The following PCDH15 variants were observed in gnomAD, a reference collection of about 807,000 sequenced individuals.
PCDH15 encodes protocadherin-15.
In PCDH15, 129 loss-of-function variants were observed where a neutral mutation model predicts 178.5. The observed-to-expected ratio is 0.72, with a 90% CI of 0.63 to 0.84. The LOEUF is 0.84. Ranked by LOEUF, PCDH15 falls within the 40% of genes least tolerant of loss-of-function variation. PCDH15 has a pLI of 0.00. For synonymous variants in PCDH15, 800 were observed against 732.0 expected, an observed-to-expected ratio of 1.09 and a Z score of -1.50; for missense variants, 2,230 against 2,099.9, an observed-to-expected ratio of 1.06 and a Z score of -1.21.
chr10:54,559,081 G>A (rs1364426486), intron 2 of PCDH15, among the ~76,000 whole-genome samples: 1 of 151,862 alleles, frequency 6.6e-6, no homozygotes, highest in Admixed American at 6.6e-5. Context: ...ACACACGAAG[G>A]CCTCTGCATC....
At chr10:54,250,077 CTT>C (rs773771288) in intron 8 of PCDH15, among the ~76,000 whole-genome samples, 7 of 137,734 alleles carry the variant, frequency 5.1e-5, no homozygotes, top group Non-Finnish European at 6.3e-5. Context: ...CCACATCCGG[CTT>C]TTTTTTTTTT....
intron 1 of PCDH15, among the ~76,000 whole-genome samples, chr10:54,701,875 C>G (rs949505281): frequency 1.3e-5 from 2 of 152,034 alleles, no homozygotes; most frequent in African/African-American, 4.8e-5. Context: ...CAACAGCCCA[C>G]TGACAGTATT....
intron 8 of PCDH15, among the ~76,000 whole-genome samples, chr10:54,287,156 G>T (rs570717548): frequency 6.6e-6 from 1 of 151,912 alleles, no homozygotes; most frequent in African/African-American, 2.4e-5. Flanking sequence ...TATAATTTTG[G>T]TTAAATTTAC....
intron 2 of PCDH15, among the ~76,000 whole-genome samples, chr10:55,129,380 G>C (rs980230937): frequency 1.3e-5 from 2 of 152,078 alleles, no homozygotes; most frequent in African/African-American, 4.8e-5. Flanking sequence ...AGGCAGTAAA[G>C]GGCTGAGAAC....
intron 2 of PCDH15, among the ~76,000 whole-genome samples, chr10:55,518,005 A>G (rs756166987): frequency 3.9e-5 from 6 of 152,178 alleles, no homozygotes; most frequent in Non-Finnish European, 7.4e-5. Flanking sequence ...TCACCTGAGA[A>G]AACTGAAGGC....
chr10:55,055,180 AT>A (rs1381681283), intron 2 of PCDH15, among the ~76,000 whole-genome samples: 5 of 152,102 alleles, frequency 3.3e-5, no homozygotes, highest in Admixed American at 3.3e-4. Flanking sequence ...CATCTTGTTA[AT>A]TTTTGTATAT....
intron 5 of PCDH15, 85 bp from the exon 6 acceptor site, chr10:54,346,569 A>G (rs1003148228): frequency 6.6e-7 from 1 of 1,521,528 alleles, no homozygotes; most frequent in Non-Finnish European, 9.0e-7. Flanking sequence ...TCAGCTCTTT[A>G]TTACCTAAAG....
chr10:55,319,867 A>T (rs1474797184), upstream of PCDH15, among the ~76,000 whole-genome samples: 1 of 152,040 alleles, frequency 6.6e-6, no homozygotes, highest in African/African-American at 2.4e-5. Context: ...AGCCAGTGAC[A>T]CCCATCTCCC....
chr10:53,811,101 A>G (rs1463007865), intron 36 of PCDH15, among the ~76,000 whole-genome samples: 1 of 152,102 alleles, frequency 6.6e-6, no homozygotes, highest in East Asian at 1.9e-4. Context: ...ATTTTTTTTG[A>G]AAGTGGTTAA....
intron 22 of PCDH15, among the ~76,000 whole-genome samples, chr10:53,960,998 T>C (rs920655239): frequency 6.6e-6 from 1 of 152,188 alleles, no homozygotes; most frequent in African/African-American, 2.4e-5. Context: ...TTGTCAAATA[T>C]ATTTTTAAAT....
intron 2 of PCDH15, among the ~76,000 whole-genome samples, chr10:55,526,575 C>T (rs1463689456): frequency 6.6e-6 from 1 of 152,018 alleles, no homozygotes. Context: ...CACTGTTATA[C>T]ATGAGTGCTT....
At chr10:54,462,147 T>G (rs1230618790) in intron 3 of PCDH15, among the ~76,000 whole-genome samples, 5 of 152,138 alleles carry the variant, frequency 3.3e-5, no homozygotes, top group African/African-American at 1.2e-4. Flanking sequence ...TAGTAGTTAT[T>G]TTTCAGAATC....
At chr10:54,614,787 G>T (rs912226104) in intron 2 of PCDH15, among the ~76,000 whole-genome samples, 1 of 151,736 alleles carries the variant, frequency 6.6e-6, no homozygotes, top group African/African-American at 2.4e-5. Flanking sequence ...AAGGGTTTGG[G>T]ATCAAAGAGT....
At chr10:55,463,369 G>A (rs1427182589) in intron 2 of PCDH15, among the ~76,000 whole-genome samples, 8 of 152,052 alleles carry the variant, frequency 5.3e-5, no homozygotes, top group African/African-American at 7.2e-5. Flanking sequence ...ATGGAAGGCC[G>A]AGCACAGTGG....
At chr10:53,867,719 C>T (rs1233973923) in intron 26 of PCDH15, among the ~76,000 whole-genome samples, 1 of 151,202 alleles carries the variant, frequency 6.6e-6, no homozygotes, top group Non-Finnish European at 1.5e-5. Context: ...TAGTATATAG[C>T]CTAAGGAGGA....
intron 2 of PCDH15, among the ~76,000 whole-genome samples, chr10:55,443,905 C>G (rs1247303760): frequency 6.6e-6 from 1 of 152,024 alleles, no homozygotes; most frequent in Non-Finnish European, 1.5e-5. Context: ...CAATGTCAGG[C>G]TGGATAAAGA....
intron 1 of PCDH15, among the ~76,000 whole-genome samples, chr10:55,194,453 G>C (rs369765823): frequency 2.0e-5 from 3 of 152,088 alleles, no homozygotes; most frequent in South Asian, 2.1e-4. Context: ...AAGAAACAGA[G>C]GCATCAACAG....
chr10:55,451,106 G>A (rs1048491181), intron 2 of PCDH15, among the ~76,000 whole-genome samples: 4 of 151,632 alleles, frequency 2.6e-5, no homozygotes, highest in African/African-American at 7.3e-5. Context: ...AGCACAACTC[G>A]GGTCTAAATA....
intron 1 of PCDH15, among the ~76,000 whole-genome samples, chr10:55,197,292 C>G (rs1320475105): frequency 6.6e-6 from 1 of 151,894 alleles, no homozygotes; most frequent in Non-Finnish European, 1.5e-5. Flanking sequence ...TTGCAATAAC[C>G]CTGATATTTT....
Sources: gnomAD v4.1 joint callset for allele counts (sites outside exome capture counted in the v4.1 genomes callset) on GRCh38, gnomAD v4.1.1 for gene constraint, MANE v1.5 for transcripts, NCBI Gene and HGNC (gene_info 2026-07-23, HGNC 2026-07-21) for gene names.